Variants in SLC39A11 observed in about 807,000 individuals in gnomAD.
The protein encoded by SLC39A11 is solute carrier family 39 member 11.
SLC39A11 carries 33 observed loss-of-function variants against 36.1 expected under a neutral mutation model. That is an observed-to-expected ratio of 0.91 (90% CI 0.69 to 1.22). SLC39A11 has a LOEUF of 1.22. Ranked by LOEUF, SLC39A11 falls within the 50% of genes most tolerant of loss-of-function variation. The probability of loss-of-function intolerance (pLI) is 0.00; values close to 1 mark genes in which losing one functional copy is unlikely to be tolerated. For missense variants in SLC39A11, 432 were observed against 430.3 expected (o/e 1.00, Z -0.03); for synonymous variants, 166 against 170.3 (o/e 0.97, Z 0.20).
At chr17:72,799,847 T>C (rs2077025392) in intron 6 of SLC39A11, among the ~76,000 whole-genome samples, 1 of 152,076 alleles carries the variant, frequency 6.6e-6, no homozygotes, top group African/African-American at 2.4e-5. Context: ...TGGACCCTTA[T>C]CAGTGGTTCT....
At chr17:72,698,577 C>T (rs1448201486) in intron 7 of SLC39A11, among the ~76,000 whole-genome samples, 1 of 151,410 alleles carries the variant, frequency 6.6e-6, no homozygotes, top group Non-Finnish European at 1.5e-5. Context: ...TAAAATGTTA[C>T]ATGGTTTAAA....
chr17:72,751,790 T>C (rs765194757), intron 6 of SLC39A11, among the ~76,000 whole-genome samples: 11 of 152,216 alleles, frequency 7.2e-5, no homozygotes, highest in Non-Finnish European at 1.3e-4. Flanking sequence ...TCAGCCAGGC[T>C]GGTCTCGAAC....
intron 4 of SLC39A11, among the ~76,000 whole-genome samples, chr17:72,975,382 T>C (rs1000293576): frequency 3.3e-5 from 5 of 152,202 alleles, no homozygotes; most frequent in Non-Finnish European, 7.3e-5. Context: ...GAGGTTGCAG[T>C]GAGCCGAGAT....
rs180888051 is a variant in SLC39A11, at chr17:72,792,320, G to C, written c.602-55601C>G. On this transcript the variant is annotated intron_variant, in intron 6 of 9. Transcript: ENST00000255559. ...TCCCGCAGGAGGATGTGGCTGGCTT[G>C]TTTGAAGAATTCTGCTGGCAGGCAG... Among the ~76,000 whole-genome samples, 12 of 152,326 alleles carry C rather than the reference G, an allele frequency of 7.9e-5. No individual in the cohort carries two copies. The East Asian group carries it at 2.3e-3, about 29-fold the overall frequency.
chr17:72,950,497 CTTTG>C (rs958941310), intron 4 of SLC39A11, among the ~76,000 whole-genome samples: 7 of 152,180 alleles, frequency 4.6e-5, no homozygotes, highest in Non-Finnish European at 7.3e-5. Context: ...AGTCACAGCT[CTTTG>C]TTTGTTTATA....
At chr17:73,091,775 T>A (rs1174536701) in intron 1 of SLC39A11, 2 of 152,282 alleles carry the variant, frequency 1.3e-5, no homozygotes, top group African/African-American at 4.8e-5. Context: ...AATCATTCTC[T>A]GACCGTTCCA....
At chr17:72,750,253 A>C (rs376627785) in intron 6 of SLC39A11, among the ~76,000 whole-genome samples, 12 of 152,252 alleles carry the variant, frequency 7.9e-5, no homozygotes, top group Admixed American at 4.6e-4. Context: ...GAGGTCGTGC[A>C]GTCTGGGTCC....
rs759087353 is a variant in SLC39A11 at position 72,649,157 on chromosome 17, G to A, written c.770+13C>T. 6.2e-6 allele frequency: 10 copies of A among 1,610,966 alleles called. No individual in the cohort carries two copies. Among genetic ancestry groups the A allele is most frequent in the Non-Finnish European group, 8.5e-6 (10 of 1,178,480 alleles). The stretch of plus-strand genomic sequence containing the variant: ...GATGCTGTGACATGGCCTTGCCCTT[G>A]GGCAGCACTCACCAGAAAGCTCTCC... On this transcript the variant is annotated intron_variant, in intron 8 of 9. Transcript: ENST00000255559.
intron 6 of SLC39A11, among the ~76,000 whole-genome samples, chr17:72,798,887 A>C (rs1225472608): frequency 6.6e-6 from 1 of 152,064 alleles, no homozygotes; most frequent in Non-Finnish European, 1.5e-5. Context: ...GAAAATCATG[A>C]GTGGCATCTT....
At chr17:73,062,475 A>AAAAAAAAAAAAAAAAAAAAAAAAC (rs56021607) in intron 3 of SLC39A11, among the ~76,000 whole-genome samples, 1,277 of 86,848 alleles carry the variant, frequency 0.015, 291 homozygotes, top group Non-Finnish European at 0.019. Context: ...AAAAAAAAAA[A>AAAAAAAAAAAAAAAAAAAAAAAAC]AAACTTTAGG....
chr17:73,043,270 G>A (rs891891773), intron 3 of SLC39A11, among the ~76,000 whole-genome samples: 1 of 152,154 alleles, frequency 6.6e-6, no homozygotes, highest in Non-Finnish European at 1.5e-5. Flanking sequence ...CTTATGTTGT[G>A]GAGTCCACAA....
At chr17:73,069,474 G>A (rs2060095457) in intron 3 of SLC39A11, among the ~76,000 whole-genome samples, 1 of 152,198 alleles carries the variant, frequency 6.6e-6, no homozygotes, top group South Asian at 2.1e-4. Context: ...CTGAGCAGCT[G>A]TTCTCCAAAG....
chr17:72,783,011 A>AAT (rs2076378469), intron 6 of SLC39A11, among the ~76,000 whole-genome samples: 1 of 151,238 alleles, frequency 6.6e-6, no homozygotes, highest in Non-Finnish European at 1.5e-5. Flanking sequence ...CAACAAAAAA[A>AAT]AAAAAAAAAA....
chr17:72,866,803 T>C (rs2080325670), intron 5 of SLC39A11, among the ~76,000 whole-genome samples: 1 of 152,208 alleles, frequency 6.6e-6, no homozygotes, highest in South Asian at 2.1e-4. Flanking sequence ...ACCTACACAT[T>C]TAAATGCAAT....
chr17:72,941,712 C>T (rs1467914959), intron 5 of SLC39A11, among the ~76,000 whole-genome samples: 1 of 152,120 alleles, frequency 6.6e-6, no homozygotes, highest in Non-Finnish European at 1.5e-5. Flanking sequence ...TCTCATGCTG[C>T]CTGCACAGAT....
At chr17:72,815,743 G>A (rs982138334) in intron 6 of SLC39A11, among the ~76,000 whole-genome samples, 8 of 152,290 alleles carry the variant, frequency 5.3e-5, no homozygotes, top group Admixed American at 2.0e-4. Context: ...CCAACATGGC[G>A]AAACCCTGCC....
intron 5 of SLC39A11, among the ~76,000 whole-genome samples, chr17:72,931,664 A>G (rs970111137): frequency 6.6e-6 from 1 of 152,196 alleles, no homozygotes; most frequent in African/African-American, 2.4e-5. Context: ...GAACATGACG[A>G]AAGTCTTAGC....
chr17:73,045,463 T>C (rs1040290056), intron 3 of SLC39A11, among the ~76,000 whole-genome samples: 2 of 151,660 alleles, frequency 1.3e-5, no homozygotes, highest in African/African-American at 4.8e-5. Context: ...TTTCTTTTTT[T>C]TCCAAGTGCA....
chr17:72,834,244 T>C (rs889045496), intron 6 of SLC39A11, among the ~76,000 whole-genome samples: 1 of 152,180 alleles, frequency 6.6e-6, no homozygotes, highest in Admixed American at 6.5e-5. Flanking sequence ...GAGCTAAAGT[T>C]TGCATTTTAT....
Sources: gnomAD v4.1 joint callset for allele counts (sites outside exome capture counted in the v4.1 genomes callset) on GRCh38, gnomAD v4.1.1 for gene constraint, MANE v1.5 for transcripts, NCBI Gene and HGNC (gene_info 2026-07-23, HGNC 2026-07-21) for gene names.